Variants in SAXO1 observed in about 807,000 individuals in gnomAD.
SAXO1 encodes stabilizer of axonemal microtubules 1, also known as 4930500O09Rik.
A neutral mutation model predicts 17.5 loss-of-function variants in SAXO1; 21 were observed. That is an observed-to-expected ratio of 1.20 (90% CI 0.85 to 1.72). SAXO1 has a LOEUF of 1.72. SAXO1 is among the 40% of genes most tolerant of loss of function. SAXO1 has a pLI of 0.00. For synonymous variants in SAXO1, 274 were observed against 216.5 expected, an observed-to-expected ratio of 1.27 and a Z score of -2.33; for missense variants, 843 against 596.0, an observed-to-expected ratio of 1.41 and a Z score of -4.32.
intron 1 of SAXO1, among the ~76,000 whole-genome samples, chr9:18,960,113 C>A (rs1308784856): frequency 1.3e-5 from 2 of 152,160 alleles, no homozygotes; most frequent in African/African-American, 2.4e-5. Flanking sequence ...GCTCTTCCGG[C>A]CCCTCCCCCC....
At chr9:19,041,907 C>G (rs568737869) in intron 1 of SAXO1, among the ~76,000 whole-genome samples, 1 of 152,006 alleles carries the variant, frequency 6.6e-6, no homozygotes, top group Admixed American at 6.6e-5. Context: ...AGTAATACCC[C>G]ACAAGCACAG....
At chr9:18,972,792 C>A (rs1398060304) in intron 1 of SAXO1, among the ~76,000 whole-genome samples, 1 of 152,176 alleles carries the variant, frequency 6.6e-6, no homozygotes, top group African/African-American at 2.4e-5. Flanking sequence ...TTTGTCCAGC[C>A]CCTACATCTT....
At chr9:18,994,936 C>G (rs951267117) in intron 1 of SAXO1, among the ~76,000 whole-genome samples, 8 of 152,124 alleles carry the variant, frequency 5.3e-5, no homozygotes, top group Non-Finnish European at 1.2e-4. Context: ...TTCTTAAAGG[C>G]CTCAAAAGAA....
chr9:19,045,732 G>C (rs888168340), intron 1 of SAXO1, among the ~76,000 whole-genome samples: 3 of 152,194 alleles, frequency 2.0e-5, no homozygotes, highest in Non-Finnish European at 4.4e-5. Flanking sequence ...GAACCTGATA[G>C]TCTTCAATGC....
chr9:19,012,148 T>C (rs945211695), intron 1 of SAXO1, among the ~76,000 whole-genome samples: 1 of 152,164 alleles, frequency 6.6e-6, no homozygotes, highest in Non-Finnish European at 1.5e-5. Flanking sequence ...CCGGCAAGGA[T>C]AGATTTTTTT....
intron 1 of SAXO1, among the ~76,000 whole-genome samples, chr9:18,980,295 G>A (rs555940655): frequency 6.6e-6 from 1 of 152,134 alleles, no homozygotes; most frequent in Admixed American, 6.5e-5. Context: ...GCACTGCTTG[G>A]GAGTGTGTGT....
chr9:18,944,855 A>C (rs899668211), intron 2 of SAXO1, among the ~76,000 whole-genome samples: 2 of 152,194 alleles, frequency 1.3e-5, no homozygotes, highest in African/African-American at 4.8e-5. Context: ...CACTTTTTTT[A>C]AACCTGTTTT....
intron 1 of SAXO1, among the ~76,000 whole-genome samples, chr9:19,000,914 A>G (rs1473601401): frequency 6.6e-6 from 1 of 152,212 alleles, no homozygotes; most frequent in East Asian, 1.9e-4. Context: ...TGCACCCAAT[A>G]CAGGAGCACC....
intron 1 of SAXO1, 140 bp downstream of exon 1, chr9:19,032,731 A>C: frequency 1.2e-6 from 1 of 863,820 alleles, no homozygotes; most frequent in Non-Finnish European, 1.8e-6. Context: ...GCTAGTTGAC[A>C]CAATTGTGGC....
chr9:18,969,272 G>A (rs571001858), intron 1 of SAXO1, among the ~76,000 whole-genome samples: 1 of 152,270 alleles, frequency 6.6e-6, no homozygotes, highest in African/African-American at 2.4e-5. Context: ...TCTGAAGTTT[G>A]TGTCAGCTGC....
intron 1 of SAXO1, among the ~76,000 whole-genome samples, chr9:19,015,404 C>T (rs1285991654): frequency 2.0e-5 from 3 of 152,102 alleles, no homozygotes; most frequent in South Asian, 2.1e-4. Flanking sequence ...AGTGCAGTGG[C>T]GTGATCTTGG....
intron 1 of SAXO1, among the ~76,000 whole-genome samples, chr9:19,038,671 G>A (rs1210468264): frequency 2.0e-5 from 3 of 151,362 alleles, no homozygotes; most frequent in African/African-American, 7.3e-5. Context: ...ACGAGTTAAT[G>A]GGTGCAGTAC....
At chr9:18,978,222 A>G (rs1167287815) in intron 1 of SAXO1, among the ~76,000 whole-genome samples, 1 of 151,798 alleles carries the variant, frequency 6.6e-6, no homozygotes, top group African/African-American at 2.4e-5. Context: ...TGGAAATGCA[A>G]TGAGAGTGAT....
intron 1 of SAXO1, among the ~76,000 whole-genome samples, chr9:19,040,318 C>T (rs924525164): frequency 3.9e-5 from 6 of 152,072 alleles, no homozygotes; most frequent in African/African-American, 9.7e-5. Flanking sequence ...GCACCTAATA[C>T]GACTCATTTA....
chr9:19,030,448 T>G (rs1008283285), intron 1 of SAXO1, among the ~76,000 whole-genome samples: 4 of 152,148 alleles, frequency 2.6e-5, no homozygotes, highest in Non-Finnish European at 4.4e-5. Flanking sequence ...GGCTCACGCC[T>G]GTAATCCCAA....
At position 18,990,434 on chromosome 9, in the gene SAXO1, C is replaced by A. The variant is rs535972263; in HGVS notation, c.39-39497G>T. On this transcript the variant is annotated intron_variant, in intron 1 of 3. Coordinates refer to ENST00000380534, the MANE Select transcript of SAXO1 (RefSeq NM_153707.4). Reference sequence around the variant, plus strand: ...TAGAACTAAATTCCTAGCAGGACACCGTGGCTTATGCCTATAATCCCAGAA... The same window carrying A: ...TAGAACTAAATTCCTAGCAGGACACAGTGGCTTATGCCTATAATCCCAGAA... Among the ~76,000 whole-genome samples the A allele has an allele frequency of 9.9e-5, 15 of 152,206 alleles. 1 individual carries two copies. The East Asian group carries it at 2.7e-3, about 27-fold the overall frequency.
rs766412980 is a variant in SAXO1 at position 18,928,128 on chromosome 9, C to A, written c.1349G>T (p.Gly450Val). 1.9e-6 allele frequency: 3 copies of A among 1,614,040 alleles called. No individual in the cohort carries two copies. The highest frequency in any genetic ancestry group is 1.7e-5 in the Admixed American group (1 of 59,992). The stretch of plus-strand genomic sequence containing the variant: ...AGAAAGATGGCTGCTCTGCTGAGAG[C>A]CTGCCTGGGAAACTGGTTTGTATAT... ...HRIYKPVSQA[G>V]SQQSSHLSVD... Residue 450 changes from glycine (G) to valine (V), a missense_variant, in exon 4 of 4, where the codon GGC (glycine) becomes GTC (valine). Coordinates refer to ENST00000380534, the MANE Select transcript of SAXO1 (RefSeq NM_153707.4).
intron 2 of SAXO1, among the ~76,000 whole-genome samples, chr9:18,947,423 G>A (rs952560568): frequency 6.6e-6 from 1 of 152,076 alleles, no homozygotes; most frequent in Non-Finnish European, 1.5e-5. Flanking sequence ...CCTGCCGTCT[G>A]CCTTTCAGCC....
At chr9:19,019,622 G>A (rs572737177) in intron 1 of SAXO1, among the ~76,000 whole-genome samples, 7 of 152,132 alleles carry the variant, frequency 4.6e-5, no homozygotes, top group East Asian at 1.9e-4. Context: ...CCAGCTACTC[G>A]AGGGGCTAAG....
Sources: allele counts gnomAD v4.1 joint callset (sites outside exome capture counted in the v4.1 genomes callset), GRCh38; gene constraint gnomAD v4.1.1; transcripts MANE v1.5; gene names NCBI Gene and HGNC (gene_info 2026-07-23, HGNC 2026-07-21).